COL11A1: variants seen among roughly 807,000 people sequenced by gnomAD.
COL11A1 encodes the protein collagen type XI alpha 1 chain, also known as collagen alpha-1(XI) chain.
In COL11A1, 74 loss-of-function variants were observed where a neutral mutation model predicts 265.2. The ratio of observed to expected loss-of-function variants is 0.28; its 90% confidence interval spans 0.23 to 0.34. The LOEUF (loss-of-function observed/expected upper bound fraction) is 0.34, where lower values mean the gene tolerates loss of function less well. COL11A1 is among the 10% of genes least tolerant of loss of function. The pLI is 1.00. For synonymous variants in COL11A1, 816 were observed against 727.6 expected (o/e 1.12, Z -1.96); for missense variants, 2,165 against 2,263.6 (o/e 0.96, Z 0.88).
chr1:102,878,759 A>T (rs1422854401), intron 66 of COL11A1, among the ~76,000 whole-genome samples: 2 of 151,474 alleles, frequency 1.3e-5, no homozygotes, highest in African/African-American at 4.8e-5. Flanking sequence ...TCTGCCCGCC[A>T]TGGCTGCCCA....
intron 49 of COL11A1, among the ~76,000 whole-genome samples, chr1:102,918,063 T>C (rs1655553562): frequency 6.6e-6 from 1 of 151,484 alleles, no homozygotes; most frequent in Non-Finnish European, 1.5e-5. Flanking sequence ...ACTAATGTTA[T>C]ATAAATTAAG....
In COL11A1 at chr1:103,022,931, C is replaced by T. The variant is rs762727530; in HGVS notation, c.1056G>A (p.Arg352=). 12 of 1,613,416 alleles carry T rather than the reference C, an allele frequency of 7.4e-6. No homozygotes were observed. In the East Asian group the frequency reaches 2.7e-4, roughly 36 times the overall value. The change falls in exon 8 of 67, where the codon AGG becomes AGA. Residue 352 remains arginine, a synonymous_variant. Transcript: ENST00000370096. ...CATATAGTGTATCCTCAGAATTTTT[C>T]CTCTGGGAATCATAATCCTCTCCCG... ...YLTGEDYDSQ[R]KNSEDTLYEN... is the part of the protein sequence containing the mutation.
At chr1:102,990,282 T>A (rs551213294) in intron 28 of COL11A1, among the ~76,000 whole-genome samples, 1 of 152,170 alleles carries the variant, frequency 6.6e-6, no homozygotes, top group East Asian at 1.9e-4. Context: ...ACAGAATGAA[T>A]AAAATGATTT....
At chr1:102,981,159 A>G (rs753964153) in intron 31 of COL11A1, among the ~76,000 whole-genome samples, 2 of 152,142 alleles carry the variant, frequency 1.3e-5, no homozygotes, top group African/African-American at 2.4e-5. Flanking sequence ...GTTTTCCTGT[A>G]TGTTTCAATA....
chr1:102,908,682 AC>A (rs141500906), intron 54 of COL11A1, among the ~76,000 whole-genome samples: 4,919 of 152,130 alleles, frequency 0.032, 109 homozygotes, highest in Middle Eastern at 0.086. Context: ...GTTTACATAT[AC>A]CCTTAGGTAT....
chr1:102,925,023 A>C (rs2101098997), intron 46 of COL11A1, among the ~76,000 whole-genome samples: 1 of 151,326 alleles, frequency 6.6e-6, no homozygotes, highest in Admixed American at 6.6e-5. Flanking sequence ...ATACATAATT[A>C]ATTTTTAATG....
At position 102,995,851 on chromosome 1, in the gene COL11A1, A is replaced by C. The variant is rs755493686; in HGVS notation, c.2340+13T>G. 2.5e-6 allele frequency: 4 copies of C among 1,595,518 alleles called. No individual in the cohort carries two copies. In the South Asian group the frequency reaches 4.4e-5, roughly 18 times the overall value. On this transcript the variant is annotated intron_variant, in intron 28 of 66. Transcript: ENST00000370096. ...ACACAGAAATTAATACCATCTAAAC[A>C]ATTAAATTTTACCTTTTCACCTTTA...
At chr1:102,901,398 T>TATGAC (rs1200029935) in intron 54 of COL11A1, among the ~76,000 whole-genome samples, 2 of 151,860 alleles carry the variant, frequency 1.3e-5, no homozygotes, top group African/African-American at 4.8e-5. Context: ...TCCACCATGG[T>TATGAC]ATGACACTGC....
Position 103,044,521 on chromosome 1 carries a change from C to G in COL11A1, c.652-13277G>C, listed in dbSNP as rs537395902. ...GATAAAACACTATGAAAAAACTGTA[C>G]GTTTATCTTATACTTTCTAGGTTAT... On this transcript the variant is annotated intron_variant, in intron 4 of 66. Transcript: ENST00000370096. 9.9e-5 allele frequency among the ~76,000 whole-genome samples: 15 copies of G among 152,052 alleles called. No homozygotes were observed. In the South Asian group the frequency reaches 2.9e-3, roughly 29 times the overall value.
At chr1:102,922,482 C>T (rs926167401) in intron 47 of COL11A1, among the ~76,000 whole-genome samples, 11 of 152,068 alleles carry the variant, frequency 7.2e-5, no homozygotes, top group African/African-American at 2.7e-4. Context: ...CTGCAAGCTC[C>T]GCCTCCTGGG....
chr1:102,886,685 A>T, intron 63 of COL11A1, 122 bp downstream of exon 63: 2 of 1,370,102 alleles, frequency 1.5e-6, no homozygotes, highest in Non-Finnish European at 2.1e-6. Flanking sequence ...GAAGATAATT[A>T]ATAACTGTTT....
intron 15 of COL11A1, among the ~76,000 whole-genome samples, chr1:103,007,064 T>C (rs1571013601): frequency 6.6e-6 from 1 of 152,128 alleles, no homozygotes; most frequent in South Asian, 2.1e-4. Context: ...TGGATTGTAA[T>C]GGTCTTTTCT....
rs761813552 is a variant in COL11A1, at chr1:102,962,163, A to C, written c.3114+13T>G. The C allele has an allele frequency of 5.7e-6, 9 of 1,588,744 alleles. No individual in the cohort carries two copies. The highest frequency in any genetic ancestry group is 4.0e-5 in the African/African-American group (3 of 74,376). On this transcript the variant is annotated intron_variant, in intron 40 of 66. Transcript: ENST00000370096. ...GGAATCACTTGCTTTATCTATATAG[A>C]TATTGATTATACCTGAGCTCCAGGA...
rs1664703554 is a variant in COL11A1 at position 102,997,100 on chromosome 1, A to G, written c.2221T>C (p.Ser741Pro). The change falls in exon 26 of 67, where the codon TCT (serine) becomes CCT (proline). Residue 741 changes from serine to proline, a missense_variant. Transcript: ENST00000370096. ...PPGHPGKEGQ[S>P]GEKGALGPPG... ...CCTACCAGAGCCCCCTTTTCTCCAGACTGGCCTTCTTTCCCAGGATGACCC... is the reference window on the plus strand; with the variant it reads ...CCTACCAGAGCCCCCTTTTCTCCAGGCTGGCCTTCTTTCCCAGGATGACCC... 1 of 1,611,972 alleles carries G rather than the reference A, an allele frequency of 6.2e-7. No homozygotes were observed. The highest frequency in any genetic ancestry group is 1.1e-5 in the South Asian group (1 of 91,054).
At chr1:102,975,548 T>C (rs2101657660) in intron 35 of COL11A1, among the ~76,000 whole-genome samples, 1 of 152,232 alleles carries the variant, frequency 6.6e-6, no homozygotes, top group Admixed American at 6.5e-5. Context: ...TTGGCTTGAT[T>C]TTTAATTAAC....
chr1:102,974,900 G>A lies in COL11A1; in HGVS notation c.2755-17C>T. On this transcript the variant is annotated splice_polypyrimidine_tract_variant and intron_variant, in intron 35 of 66. Coordinates refer to ENST00000370096, the MANE Select transcript of COL11A1 (RefSeq NM_001854.4). ...TTGAGGACCCTGGAAATAAAAAGCAGTGGGGAGAAGTTAACAATATGCCTT... is the reference window on the plus strand; with the variant it reads ...TTGAGGACCCTGGAAATAAAAAGCAATGGGGAGAAGTTAACAATATGCCTT... 1 of 1,607,198 alleles carries A rather than the reference G, an allele frequency of 6.2e-7. No individual in the cohort carries two copies. Among genetic ancestry groups the A allele is most frequent in the Non-Finnish European group, 8.5e-7 (1 of 1,173,880 alleles).
intron 9 of COL11A1, among the ~76,000 whole-genome samples, chr1:103,020,766 A>G (rs1666982152): frequency 8.0e-6 from 1 of 125,690 alleles, no homozygotes; most frequent in South Asian, 2.8e-4. Context: ...TGATTTTTGT[A>G]TAAGGTGTAA....
In COL11A1 at chr1:103,103,277, T is replaced by C. The variant is rs114537412; in HGVS notation, c.106+4796A>G. On this transcript the variant is annotated intron_variant, in intron 1 of 66. Coordinates refer to ENST00000370096, the MANE Select transcript of COL11A1 (RefSeq NM_001854.4). ...CATAAAATATATGTCATCCAATCAA[T>C]TGAAATTAACCTGAAAATATCAGAA... is the stretch of plus-strand genomic sequence containing the variant. Among the ~76,000 whole-genome samples, 449 of 152,174 alleles carry C rather than the reference T, an allele frequency of 3.0e-3. 1 individual carries two copies. Among genetic ancestry groups the C allele is most frequent in the African/African-American group, 0.01 (435 of 41,568 alleles).
chr1:103,022,797 G>A lies in COL11A1; in HGVS notation c.1190C>T (p.Pro397Leu), dbSNP rs1667204420. The A allele has an allele frequency of 6.2e-7, 1 of 1,613,574 alleles. No individual in the cohort carries two copies. The highest frequency in any genetic ancestry group is 8.5e-7 in the Non-Finnish European group (1 of 1,179,946). ...TACACCTGGACCAAATTCTTCATTA[G>A]GGGGGCTTGTTGGTTTATCTTCATA... ...KEYEDKPTSP[P>L]NEEFGPGVPA... The change falls in exon 8 of 67, where the codon CCT becomes CTT. Residue 397 changes from proline (P) to leucine (L), a missense_variant. Coordinates refer to ENST00000370096, the MANE Select transcript of COL11A1 (RefSeq NM_001854.4).
Sources: gnomAD v4.1 joint callset for allele counts (sites outside exome capture counted in the v4.1 genomes callset) on GRCh38, gnomAD v4.1.1 for gene constraint, MANE v1.5 for transcripts, NCBI Gene and HGNC (gene_info 2026-07-23, HGNC 2026-07-21) for gene names.